The following PSMD11 variants were observed in gnomAD, a reference collection of about 807,000 sequenced individuals.
PSMD11 encodes proteasome 26S subunit, non-ATPase 11.
A neutral mutation model predicts 62.3 loss-of-function variants in PSMD11; 5 were observed. The observed-to-expected ratio is 0.08, with a 90% CI of 0.04 to 0.17. The LOEUF (loss-of-function observed/expected upper bound fraction) is 0.17. Ranked by LOEUF, PSMD11 falls within the 10% of genes least tolerant of loss-of-function variation. The probability of loss-of-function intolerance (pLI) is 1.00; values close to 1 mark genes in which losing one functional copy is unlikely to be tolerated. For synonymous variants in PSMD11, 191 were observed against 191.8 expected, an observed-to-expected ratio of 1.00 and a Z score of 0.03; for missense variants, 310 against 512.9, an observed-to-expected ratio of 0.60 and a Z score of 3.82.
intron 2 of PSMD11, among the ~76,000 whole-genome samples, chr17:32,449,209 A>G (rs1907419805): frequency 6.6e-6 from 1 of 152,142 alleles, no homozygotes; most frequent in Admixed American, 6.5e-5. Flanking sequence ...ATTTGAGACC[A>G]GCTCTGGCAA....
chr17:32,461,006 C>T (rs1907821304), intron 3 of PSMD11, among the ~76,000 whole-genome samples: 1 of 152,128 alleles, frequency 6.6e-6, no homozygotes, highest in South Asian at 2.1e-4. Flanking sequence ...ACTCAACTTT[C>T]CTTCCAGGGA....
chr17:32,456,261 G>A (rs1907647395), intron 3 of PSMD11, among the ~76,000 whole-genome samples: 1 of 152,116 alleles, frequency 6.6e-6, no homozygotes, highest in Non-Finnish European at 1.5e-5. Context: ...AATGTTACTT[G>A]GAAGTTTTTG....
At chr17:32,446,856 G>A (rs1397097204) in intron 1 of PSMD11, 89 bp from the exon 2 acceptor site, 5 of 638,858 alleles carry the variant, frequency 7.8e-6, no homozygotes, top group Non-Finnish European at 1.3e-5. Flanking sequence ...ATATGTTTGA[G>A]TTTGTAATGG....
At chr17:32,446,319 A>G (rs1247658489) in intron 1 of PSMD11, among the ~76,000 whole-genome samples, 4 of 152,206 alleles carry the variant, frequency 2.6e-5, no homozygotes, top group Non-Finnish European at 4.4e-5. Context: ...GATAGCACAA[A>G]GTTATTTTAA....
At chr17:32,463,988 C>T in intron 3 of PSMD11, 61 bp from the exon 4 acceptor site, 1 of 1,475,894 alleles carries the variant, frequency 6.8e-7, no homozygotes. Context: ...TTCTCCAAAG[C>T]ATGGTTTGTG....
At chr17:32,451,325 G>T (rs1441236060) in intron 2 of PSMD11, among the ~76,000 whole-genome samples, 2 of 152,176 alleles carry the variant, frequency 1.3e-5, no homozygotes, top group Admixed American at 6.5e-5. Flanking sequence ...GCAAAAGATA[G>T]AAATAACAGC....
chr17:32,480,593 G>A lies in PSMD11; in HGVS notation c.1231G>A (p.Val411Met). Residue 411 changes from valine (V) to methionine (M), a missense_variant, in exon 13 of 14, where the codon GTG becomes ATG. Physicochemically the swap from Val to Met is conservative, Grantham distance 21. Transcript: ENST00000261712. ...LETIQNMSKV[V>M]DSLYNKAKKL... ...AACAATTCAGAACATGAGCAAAGTAGTGGATTCCCTCTACAACAAAGCCAA... is the reference window on the plus strand; with the variant it reads ...AACAATTCAGAACATGAGCAAAGTAATGGATTCCCTCTACAACAAAGCCAA... The A allele has an allele frequency of 6.2e-7, 1 of 1,614,186 alleles. No individual in the cohort carries two copies. The highest frequency in any genetic ancestry group is 8.5e-7 in the Non-Finnish European group (1 of 1,180,034).
chr17:32,467,881 TTTG>T (rs769448724), intron 5 of PSMD11, among the ~76,000 whole-genome samples: 2 of 152,094 alleles, frequency 1.3e-5, no homozygotes, highest in African/African-American at 2.4e-5. Context: ...CGTCATGCAG[TTTG>T]TTGTTCAGAT....
Position 32,481,441 on chromosome 17 carries a change from C to A in PSMD11, c.*689C>A. On this transcript the variant is annotated 3_prime_UTR_variant, in exon 14 of 14. Coordinates refer to ENST00000261712, the MANE Select transcript of PSMD11 (RefSeq NM_002815.4). ...TGGGGATGAGGCCAGGAGCTAGTGTCTACCACGGCCACACAGGGAGCAGTG... is the reference window on the plus strand; with the variant it reads ...TGGGGATGAGGCCAGGAGCTAGTGTATACCACGGCCACACAGGGAGCAGTG... 2 of 153,878 alleles carry A rather than the reference C, an allele frequency of 1.3e-5. No individual in the cohort carries two copies. The highest frequency in any genetic ancestry group is 3.6e-4 in the South Asian group (2 of 5,484). 9.5% of individuals were successfully genotyped at this position (153,878 alleles called of 1,614,324 possible).
At position 32,482,064 on chromosome 17, in the gene PSMD11, C is replaced by G. The variant is rs1424210484; in HGVS notation, c.*1312C>G. 2 of 152,072 alleles carry G rather than the reference C, an allele frequency of 1.3e-5. No individual in the cohort carries two copies. The highest frequency in any genetic ancestry group is 2.9e-5 in the Non-Finnish European group (2 of 68,024). The allele number at this position is 152,072 out of a possible 1,614,324, so 9.4% of individuals were successfully genotyped here. ...TGTCTTTTTCTCTTTTCCTCTCCTT[C>G]CTGCCTTCTTCTGCTGGCCTCCTTT... On this transcript the variant is annotated 3_prime_UTR_variant, in exon 14 of 14. Transcript: ENST00000261712.
chr17:32,466,677 C>T (rs1438100827), intron 5 of PSMD11, among the ~76,000 whole-genome samples: 4 of 152,186 alleles, frequency 2.6e-5, no homozygotes, highest in African/African-American at 9.7e-5. Context: ...TGGAATTATA[C>T]TGTGTCATGT....
At chr17:32,456,619 T>A (rs1907659971) in intron 3 of PSMD11, among the ~76,000 whole-genome samples, 1 of 152,194 alleles carries the variant, frequency 6.6e-6, no homozygotes. Context: ...AAGCTCCGCC[T>A]CCTGGATTCA....
At chr17:32,479,704 A>G (rs1908433693) in intron 10 of PSMD11, 147 bp from the exon 11 acceptor site, 1 of 901,314 alleles carries the variant, frequency 1.1e-6, no homozygotes, top group Non-Finnish European at 1.7e-6. Context: ...GCAGATGGGC[A>G]GAGAACAAGA....
At chr17:32,453,280 G>A (rs1907559224) in intron 2 of PSMD11, among the ~76,000 whole-genome samples, 1 of 152,186 alleles carries the variant, frequency 6.6e-6, no homozygotes, top group African/African-American at 2.4e-5. Flanking sequence ...GACTTCAGAT[G>A]GACCTAAAAG....
intron 3 of PSMD11, among the ~76,000 whole-genome samples, chr17:32,455,518 T>A (rs1299737284): frequency 6.6e-6 from 1 of 152,180 alleles, no homozygotes; most frequent in Admixed American, 6.5e-5. Context: ...TCTGTGGGCG[T>A]GAAAGGTATG....
rs535772515 is a variant in PSMD11, at chr17:32,444,710, T to C, written c.91+96T>C. 565 of 1,467,654 alleles carry C rather than the reference T, an allele frequency of 3.8e-4. 5 individuals are homozygous for C. The Admixed American group carries it at 0.01, about 27-fold the overall frequency. 90.9% of individuals were successfully genotyped at this position (1,467,654 alleles called of 1,614,324 possible). A position where few individuals can be genotyped will look rare whatever the true frequency, so the allele number is the denominator to read the frequency against. On this transcript the variant is annotated intron_variant, in intron 1 of 13. Transcript: ENST00000261712. The stretch of plus-strand genomic sequence containing the variant: ...GAGGGGCCCGGCTAGCCGGCTCTGA[T>C]GCTGCTGACTCACTGTGTGAGGGGG...
At chr17:32,459,115 C>CATATATAT (rs10595066) in intron 3 of PSMD11, among the ~76,000 whole-genome samples, 14,194 of 111,406 alleles carry the variant, frequency 0.13, 1,046 homozygotes, top group Non-Finnish European at 0.17. Flanking sequence ...AAAAAAAATA[C>CATATATAT]ATATATATAT....
At chr17:32,474,204 A>G in intron 7 of PSMD11, 2 of 516,486 alleles carry the variant, frequency 3.9e-6, no homozygotes, top group South Asian at 4.3e-5. Flanking sequence ...TCCTTTAAAT[A>G]TTCTGTCCTC....
chr17:32,453,946 T>C (rs1056673254), intron 2 of PSMD11, among the ~76,000 whole-genome samples: 8 of 152,192 alleles, frequency 5.3e-5, no homozygotes, highest in African/African-American at 1.9e-4. Flanking sequence ...GAAAAGTTTA[T>C]TCAGAAGAGT....
Sources: allele counts gnomAD v4.1 joint callset (sites outside exome capture counted in the v4.1 genomes callset), GRCh38; gene constraint gnomAD v4.1.1; transcripts MANE v1.5; gene names NCBI Gene and HGNC (gene_info 2026-07-23, HGNC 2026-07-21).